TAF1A: variants seen among roughly 807,000 people sequenced by gnomAD.
TAF1A encodes the protein TATA-box binding protein associated factor, RNA polymerase I subunit A, also known as TATA box-binding protein-associated factor RNA polymerase I subunit A.
Under a neutral mutation model 61.6 loss-of-function variants are expected in TAF1A, and 42 were observed. That is an observed-to-expected ratio of 0.68 (90% CI 0.53 to 0.88). The LOEUF (loss-of-function observed/expected upper bound fraction) is 0.88. TAF1A is among the 40% of genes least tolerant of loss of function. The pLI, the probability that TAF1A is intolerant of heterozygous loss-of-function variation, is 0.00. For missense variants in TAF1A, 424 were observed against 518.7 expected (o/e 0.82, Z 1.77); for synonymous variants, 179 against 177.7 (o/e 1.01, Z -0.06).
chr1:222,581,946 CATA>C (rs1660805079), intron 3 of TAF1A, among the ~76,000 whole-genome samples: 1 of 152,150 alleles, frequency 6.6e-6, no homozygotes, highest in Non-Finnish European at 1.5e-5. Context: ...TTTGTATATA[CATA>C]ATGAGACTGG....
intron 2 of TAF1A, among the ~76,000 whole-genome samples, chr1:222,586,164 T>C (rs1383504470): frequency 6.6e-6 from 1 of 152,110 alleles, no homozygotes; most frequent in African/African-American, 2.4e-5. Context: ...TCACCTGGAA[T>C]CTCATTACAA....
At chr1:222,574,788 G>A (rs1660500510) in intron 5 of TAF1A, among the ~76,000 whole-genome samples, 1 of 152,110 alleles carries the variant, frequency 6.6e-6, no homozygotes, top group African/African-American at 2.4e-5. Context: ...AAATCACATT[G>A]TTTACAAATG....
At chr1:222,579,423 TCC>T (rs1363549585) in intron 4 of TAF1A, among the ~76,000 whole-genome samples, 1 of 152,172 alleles carries the variant, frequency 6.6e-6, no homozygotes, top group East Asian at 1.9e-4. Flanking sequence ...TTTAGCTCTT[TCC>T]TTTTCTAAAC....
intron 5 of TAF1A, 72 bp downstream of exon 5, chr1:222,577,373 A>G: frequency 8.1e-7 from 1 of 1,236,002 alleles, no homozygotes; most frequent in South Asian, 1.3e-5. Context: ...TAGGGAAATT[A>G]CTAGATTACT....
downstream of TAF1A, among the ~76,000 whole-genome samples, chr1:222,556,488 G>A (rs1659728018): frequency 6.6e-6 from 1 of 152,166 alleles, no homozygotes; most frequent in African/African-American, 2.4e-5. Flanking sequence ...TGTGACCTTG[G>A]CAAGTTACTT....
chr1:222,587,118 T>C (rs762901336), intron 2 of TAF1A, among the ~76,000 whole-genome samples: 1 of 152,210 alleles, frequency 6.6e-6, no homozygotes, highest in Admixed American at 6.5e-5. Flanking sequence ...GCACTACCTC[T>C]GAAGTATCAT....
chr1:222,579,612 C>T (rs112765592), intron 4 of TAF1A, 147 bp downstream of exon 4: 20,722 of 953,872 alleles, frequency 0.022, 286 homozygotes, highest in Non-Finnish European at 0.025. Context: ...GTTCTCATAA[C>T]GCTCTTTTCT....
Position 222,589,868 on chromosome 1 carries a change from C to T in TAF1A, c.-144G>A. The stretch of plus-strand genomic sequence containing the variant: ...CTGGTTTAGGTATTTAGGCAGCGCG[C>T]GGCCCGGCTCGTAACTCCTCCTGCT... On this transcript the variant is annotated 5_prime_UTR_variant, in exon 1 of 11. Transcript: ENST00000352967. 2.5e-6 allele frequency: 1 copy of T among 394,622 alleles called. No homozygotes were observed. The highest frequency in any genetic ancestry group is 4.5e-6 in the Non-Finnish European group (1 of 224,038). 24.4% of individuals were successfully genotyped at this position (394,622 alleles called of 1,614,324 possible). A position where few individuals can be genotyped will look rare whatever the true frequency, so the allele number is the denominator to read the frequency against.
chr1:222,575,576 G>C (rs1660537862), intron 5 of TAF1A, among the ~76,000 whole-genome samples: 1 of 152,158 alleles, frequency 6.6e-6, no homozygotes, highest in Non-Finnish European at 1.5e-5. Context: ...ATTTATTATA[G>C]AAGGAGGTTC....
intron 3 of TAF1A, among the ~76,000 whole-genome samples, chr1:222,581,144 CAG>C (rs772005238): frequency 1.3e-5 from 2 of 152,050 alleles, no homozygotes; most frequent in Non-Finnish European, 2.9e-5. Context: ...ACTCAATAGA[CAG>C]GGGTGGAGTA....
In TAF1A at chr1:222,561,383, A is replaced by T; in HGVS notation, c.1221T>A (p.Ala407=). 1 of 1,606,406 alleles carries T rather than the reference A, an allele frequency of 6.2e-7. No homozygotes were observed. The highest frequency in any genetic ancestry group is 1.1e-5 in the South Asian group (1 of 88,994). Residue 407 remains alanine (A), a synonymous_variant, in exon 10 of 11, where the codon GCT becomes GCA. Coordinates refer to ENST00000352967, the MANE Select transcript of TAF1A (RefSeq NM_005681.4). ...CTGTACCTTTTCCTAACAGTAAACC[A>T]GCCACAAAAGCTTTCTCACAGGCCA... The part of the protein sequence containing the change: ...TALACEKAFV[A]GLLLGKGCRY...
At chr1:222,568,195 AAAG>A (rs890997867) in intron 7 of TAF1A, among the ~76,000 whole-genome samples, 5 of 151,906 alleles carry the variant, frequency 3.3e-5, no homozygotes, top group African/African-American at 1.2e-4. Context: ...AAAAAAAAAA[AAAG>A]AACTCTTCAT....
downstream of TAF1A, among the ~76,000 whole-genome samples, chr1:222,556,401 A>G (rs1659726524): frequency 6.6e-6 from 1 of 152,218 alleles, no homozygotes; most frequent in Non-Finnish European, 1.5e-5. Flanking sequence ...CTGGGAGGCC[A>G]TACAGATACT....
At chr1:222,564,248 T>A (rs1660029770) in intron 7 of TAF1A, 123 bp from the exon 8 acceptor site, 6 of 413,158 alleles carry the variant, frequency 1.5e-5, no homozygotes, top group East Asian at 4.2e-5. Context: ...TTAAGTATTT[T>A]AAAAATACCC....
intron 6 of TAF1A, 99 bp from the exon 7 acceptor site, chr1:222,569,767 A>C: frequency 8.9e-7 from 1 of 1,128,038 alleles, no homozygotes; most frequent in Non-Finnish European, 1.2e-6. Flanking sequence ...TTTTTTAAAA[A>C]TCACAAAACT....
rs1267197040 is a variant in TAF1A at position 222,558,455 on chromosome 1, A to G, written c.*205T>C. 8.2e-6 allele frequency: 2 copies of G among 245,006 alleles called. No individual in the cohort carries two copies. Among genetic ancestry groups the G allele is most frequent in the Admixed American group, 1.1e-4 (2 of 18,742 alleles). The allele number at this position is 245,006 out of a possible 1,614,324, so 15.2% of individuals were successfully genotyped here. A position where few individuals can be genotyped will look rare whatever the true frequency, so the allele number is the denominator to read the frequency against. On this transcript the variant is annotated 3_prime_UTR_variant, in exon 11 of 11. Transcript: ENST00000352967. ...TAACAAATGTAACATTTAACATTAC[A>G]AAAAAGAAAACAGACATAGTTACAA...
At chr1:222,566,176 C>T (rs1237903871) in intron 7 of TAF1A, among the ~76,000 whole-genome samples, 1 of 152,142 alleles carries the variant, frequency 6.6e-6, no homozygotes, top group Non-Finnish European at 1.5e-5. Context: ...CTTGAATAGA[C>T]ATTTGCCAAA....
At chr1:222,587,738 G>A (rs1023158621) in intron 2 of TAF1A, among the ~76,000 whole-genome samples, 2 of 152,054 alleles carry the variant, frequency 1.3e-5, no homozygotes, top group African/African-American at 4.8e-5. Context: ...ATTTACATTA[G>A]ATAAAAATGG....
chr1:222,580,034 T>G, intron 3 of TAF1A, 162 bp from the exon 4 acceptor site: 1 of 745,754 alleles, frequency 1.3e-6, no homozygotes, highest in Non-Finnish European at 2.1e-6. Flanking sequence ...AAATTAATAC[T>G]ACTTCCTTAT....
Sources: gnomAD v4.1 joint callset for allele counts (sites outside exome capture counted in the v4.1 genomes callset) on GRCh38, gnomAD v4.1.1 for gene constraint, MANE v1.5 for transcripts, NCBI Gene and HGNC (gene_info 2026-07-23, HGNC 2026-07-21) for gene names.